WWOX: variants seen among roughly 807,000 people sequenced by gnomAD.
WWOX encodes the protein WW domain-containing oxidoreductase.
Under a neutral mutation model 46.2 loss-of-function variants are expected in WWOX, and 69 were observed. The observed-to-expected ratio is 1.49, with a 90% CI of 1.23 to 1.82. The LOEUF (loss-of-function observed/expected upper bound fraction) is 1.82. Ranked by LOEUF, WWOX falls within the 40% of genes most tolerant of loss-of-function variation. WWOX has a pLI of 0.00. For synonymous variants in WWOX, 359 were observed against 202.6 expected, an observed-to-expected ratio of 1.77 and a Z score of -6.56; for missense variants, 919 against 542.6, an observed-to-expected ratio of 1.69 and a Z score of -6.89.
chr16:78,942,624 T>C (rs900632963), intron 8 of WWOX, among the ~76,000 whole-genome samples: 1 of 152,098 alleles, frequency 6.6e-6, no homozygotes, highest in African/African-American at 2.4e-5. Flanking sequence ...TCTCAGAAAG[T>C]TTGAGACATA....
intron 8 of WWOX, among the ~76,000 whole-genome samples, chr16:79,031,380 C>T (rs965857048): frequency 2.0e-5 from 3 of 151,670 alleles, no homozygotes; most frequent in Non-Finnish European, 4.4e-5. Flanking sequence ...TCCTTCTTTT[C>T]TTCAGGATTA....
At chr16:78,514,705 G>T (rs978630195) in intron 8 of WWOX, among the ~76,000 whole-genome samples, 5 of 152,202 alleles carry the variant, frequency 3.3e-5, no homozygotes, top group Non-Finnish European at 7.4e-5. Context: ...GGAATAAGCA[G>T]TTTAAAAACA....
At chr16:78,918,842 C>T (rs1185061992) in intron 8 of WWOX, among the ~76,000 whole-genome samples, 1 of 152,152 alleles carries the variant, frequency 6.6e-6, no homozygotes, top group African/African-American at 2.4e-5. Flanking sequence ...TGCGGGGTCT[C>T]ACATGATCCG....
intron 8 of WWOX, among the ~76,000 whole-genome samples, chr16:78,989,880 G>T (rs1048393244): frequency 2.0e-5 from 3 of 151,348 alleles, no homozygotes; most frequent in African/African-American, 7.3e-5. Flanking sequence ...GAGACAGATG[G>T]AGGGAAAGAG....
intron 5 of WWOX, among the ~76,000 whole-genome samples, chr16:78,362,075 A>T (rs970994902): frequency 2.7e-4 from 40 of 146,990 alleles, no homozygotes; most frequent in African/African-American, 9.4e-4. Context: ...TAATGGGGTG[A>T]TTTTTTTCTT....
At chr16:78,500,182 C>T (rs138997906) in intron 8 of WWOX, among the ~76,000 whole-genome samples, 400 of 152,242 alleles carry the variant, frequency 2.6e-3, no homozygotes, top group Non-Finnish European at 3.9e-3. Context: ...GCCAGTCCTA[C>T]GGTCAATGCA....
intron 8 of WWOX, among the ~76,000 whole-genome samples, chr16:78,745,939 T>G (rs995631005): frequency 6.6e-6 from 1 of 152,084 alleles, no homozygotes; most frequent in Non-Finnish European, 1.5e-5. Flanking sequence ...CCGCTGCTCC[T>G]TCCAGCCCTG....
chr16:78,243,014 C>T (rs556131462), intron 5 of WWOX, among the ~76,000 whole-genome samples: 27 of 151,128 alleles, frequency 1.8e-4, no homozygotes, highest in Admixed American at 1.7e-3. Flanking sequence ...TCAAAAAAAA[C>T]CAAAAACAAA....
At chr16:78,341,706 G>T (rs113224774) in intron 5 of WWOX, among the ~76,000 whole-genome samples, 27,215 of 119,460 alleles carry the variant, frequency 0.23, 8,729 homozygotes, top group African/African-American at 0.38. Flanking sequence ...ACATAGCATC[G>T]AGTGTGGAAA....
intron 8 of WWOX, among the ~76,000 whole-genome samples, chr16:78,880,992 C>CTTTTTTTTTT (rs71140838): frequency 8.8e-6 from 1 of 113,530 alleles, no homozygotes; most frequent in Non-Finnish European, 1.7e-5. Flanking sequence ...AATTTTTTTT[C>CTTTTTTTTTT]TTTTTTTTTT....
chr16:78,547,136 A>AC (rs1567635661), intron 8 of WWOX, among the ~76,000 whole-genome samples: 7 of 40,932 alleles, frequency 1.7e-4, no homozygotes, highest in Middle Eastern at 0.018. Flanking sequence ...AGAAAAAAAA[A>AC]AAAAAAAAAA....
intron 4 of WWOX, among the ~76,000 whole-genome samples, chr16:78,143,726 G>C (rs1167232372): frequency 6.8e-6 from 1 of 147,048 alleles, no homozygotes; most frequent in East Asian, 2.0e-4. Flanking sequence ...AGAAAACAAA[G>C]CTCATTCCTC....
intron 8 of WWOX, among the ~76,000 whole-genome samples, chr16:78,464,664 G>T (rs763627729): frequency 6.6e-6 from 1 of 152,146 alleles, no homozygotes; most frequent in African/African-American, 2.4e-5. Flanking sequence ...ATCCAGAGCT[G>T]CTGCCTCATT....
At chr16:78,409,703 A>T (rs576370471) in intron 6 of WWOX, among the ~76,000 whole-genome samples, 3 of 152,278 alleles carry the variant, frequency 2.0e-5, no homozygotes, top group Admixed American at 2.0e-4. Flanking sequence ...CATTGGGCTA[A>T]AATTAAGGTG....
chr16:78,968,092 C>CGCATGGCACAGCGCATGGTCT (rs1567445989), intron 8 of WWOX, among the ~76,000 whole-genome samples: 6 of 129,250 alleles, frequency 4.6e-5, no homozygotes, highest in African/African-American at 1.8e-4. Context: ...GTGCATGGTC[C>CGCATGGCACAGCGCATGGTCT]GCATGGCACA....
In WWOX at chr16:78,413,251, A is replaced by T. The variant is rs561614626; in HGVS notation, c.606-11619A>T. Among the ~76,000 whole-genome samples, 7 of 152,264 alleles carry T rather than the reference A, an allele frequency of 4.6e-5. No individual in the cohort carries two copies. In the South Asian group the frequency reaches 1.5e-3, roughly 32 times the overall value. On this transcript the variant is annotated intron_variant, in intron 6 of 8. Coordinates refer to ENST00000566780, the MANE Select transcript of WWOX (RefSeq NM_016373.4). Reference sequence around the variant, plus strand: ...AAATGTGGTGGATAGGGAGCCAGTGAGTGATCTGGGAGTGCTGATTGTCTC... The same window carrying T: ...AAATGTGGTGGATAGGGAGCCAGTGTGTGATCTGGGAGTGCTGATTGTCTC...
At chr16:78,872,130 A>C (rs1350230052) in intron 8 of WWOX, among the ~76,000 whole-genome samples, 3 of 152,178 alleles carry the variant, frequency 2.0e-5, no homozygotes, top group Non-Finnish European at 4.4e-5. Flanking sequence ...CGGATTTATA[A>C]AGGAATTCTG....
At chr16:78,818,688 A>C (rs1320026422) in intron 8 of WWOX, among the ~76,000 whole-genome samples, 1 of 152,224 alleles carries the variant, frequency 6.6e-6, no homozygotes, top group Non-Finnish European at 1.5e-5. Context: ...CTAAGATGCC[A>C]CAGGACTATA....
intron 8 of WWOX, among the ~76,000 whole-genome samples, chr16:78,530,461 G>A (rs1466574729): frequency 2.6e-5 from 4 of 152,168 alleles, no homozygotes; most frequent in Non-Finnish European, 5.9e-5. Flanking sequence ...CTGGAGCTAT[G>A]CCATCAAGCT....
Sources: allele counts gnomAD v4.1 joint callset (sites outside exome capture counted in the v4.1 genomes callset), GRCh38; gene constraint gnomAD v4.1.1; transcripts MANE v1.5; gene names NCBI Gene and HGNC (gene_info 2026-07-23, HGNC 2026-07-21).